Variants in TDRD7 observed in about 807,000 individuals in gnomAD.
TDRD7 encodes tudor domain-containing protein 7.
In TDRD7, 47 loss-of-function variants were observed where a neutral mutation model predicts 109.8. The observed-to-expected ratio is 0.43, with a 90% confidence interval of 0.34 to 0.55. The LOEUF (loss-of-function observed/expected upper bound fraction) is 0.55, where lower values mean the gene tolerates loss of function less well. TDRD7 is among the 20% of genes least tolerant of loss of function. The pLI is 0.03. For synonymous variants in TDRD7, 424 were observed against 457.3 expected, an observed-to-expected ratio of 0.93 and a Z score of 0.93; for missense variants, 1,164 against 1,319.2, an observed-to-expected ratio of 0.88 and a Z score of 1.82.
chr9:97,442,318 A>G (rs1422675186), intron 6 of TDRD7, among the ~76,000 whole-genome samples: 1 of 152,138 alleles, frequency 6.6e-6, no homozygotes, highest in African/African-American at 2.4e-5. Flanking sequence ...GACTAATTAT[A>G]TAGAGTTCTT....
chr9:97,489,843 G>T (rs1829271446), intron 16 of TDRD7, among the ~76,000 whole-genome samples: 1 of 151,652 alleles, frequency 6.6e-6, no homozygotes, highest in Non-Finnish European at 1.5e-5. Flanking sequence ...TTCTTAGTGG[G>T]TGCTCTAGAG....
chr9:97,440,830 G>T (rs150114648), intron 5 of TDRD7, among the ~76,000 whole-genome samples: 1 of 152,080 alleles, frequency 6.6e-6, no homozygotes, highest in Admixed American at 6.6e-5. Context: ...GTGAAATTTC[G>T]TAGAGATTTG....
chr9:97,464,592 G>GA (rs1828791426), intron 7 of TDRD7, among the ~76,000 whole-genome samples: 1 of 152,080 alleles, frequency 6.6e-6, no homozygotes, highest in East Asian at 1.9e-4. Flanking sequence ...TCCTGACCTT[G>GA]TGATCTGCCT....
At position 97,452,414 on chromosome 9, in the gene TDRD7, A is replaced by G. The variant is rs147101201; in HGVS notation, c.856-7764A>G. On this transcript the variant is annotated intron_variant, in intron 6 of 16. Coordinates refer to ENST00000355295, the MANE Select transcript of TDRD7 (RefSeq NM_014290.3). ...TCTTAGTAAATGCTTATTTGAATGT[A>G]TAGAAGCCAAATCATTGGAGAACAA... 1.8e-4 allele frequency among the ~76,000 whole-genome samples: 28 copies of G among 152,352 alleles called. 1 individual carries two copies. Among genetic ancestry groups the G allele is most frequent in the African/African-American group, 6.5e-4 (27 of 41,572 alleles).
Position 97,464,980 on chromosome 9 carries a change from C to G in TDRD7, c.1581C>G (p.Asp527Glu). The G allele has an allele frequency of 6.2e-7, 1 of 1,614,040 alleles. No individual in the cohort carries two copies. Among genetic ancestry groups the G allele is most frequent in the Non-Finnish European group, 8.5e-7 (1 of 1,179,998 alleles). Residue 527 changes from aspartate (D) to glutamate (E), a missense_variant, in exon 8 of 17, where the codon GAC becomes GAG. Asp to Glu is a conservative substitution (Grantham distance 45, BLOSUM62 2). Coordinates refer to ENST00000355295, the MANE Select transcript of TDRD7 (RefSeq NM_014290.3). ...TGCTGGCCGTAAATGCCGAGGAGGA[C>G]GCCTGGTTACGGGCACAGGTCATCT... ...GQLLAVNAEEDAWLRAQVIST... is the reference protein window; with the variant it reads ...GQLLAVNAEEEAWLRAQVIST...
chr9:97,448,470 A>G (rs993015929), intron 6 of TDRD7, among the ~76,000 whole-genome samples: 1 of 152,214 alleles, frequency 6.6e-6, no homozygotes, highest in African/African-American at 2.4e-5. Flanking sequence ...GCCACCTCTT[A>G]AGGAAGTCAT....
At chr9:97,467,293 C>A (rs10982253) in intron 8 of TDRD7, among the ~76,000 whole-genome samples, 81,018 of 151,998 alleles carry the variant, frequency 0.53, 21,797 homozygotes, top group African/African-American at 0.6. Flanking sequence ...AATAATGCAG[C>A]TATTCCACAA....
intron 4 of TDRD7, among the ~76,000 whole-genome samples, chr9:97,437,351 T>C (rs1350055767): frequency 6.6e-6 from 1 of 152,218 alleles, no homozygotes; most frequent in African/African-American, 2.4e-5. Context: ...TCTGAGTTGT[T>C]CATTAGTCCC....
chr9:97,441,665 A>G lies in TDRD7; in HGVS notation c.645A>G (p.Leu215=). The change falls in exon 6 of 17, where the codon TTA becomes TTG. Residue 215 remains leucine, a synonymous_variant. Transcript: ENST00000355295. Reference sequence around the variant, plus strand: ...TATTTTTTTAATTTAAAGATAATTTAAATCAGACTGTTGAAAAACCCAATG... The same window carrying G: ...TATTTTTTTAATTTAAAGATAATTTGAATCAGACTGTTGAAAAACCCAATG... ...RTSTKEMSDN[L]NQTVEKPNVK... 6.2e-7 allele frequency: 1 copy of G among 1,607,058 alleles called. No individual in the cohort carries two copies.
chr9:97,479,591 A>G (rs1356119607), intron 13 of TDRD7, among the ~76,000 whole-genome samples: 1 of 152,052 alleles, frequency 6.6e-6, no homozygotes, highest in East Asian at 1.9e-4. Flanking sequence ...TTATTATTTG[A>G]CAAATGGGAA....
At chr9:97,451,154 A>T (rs1190563237) in intron 6 of TDRD7, among the ~76,000 whole-genome samples, 3 of 152,030 alleles carry the variant, frequency 2.0e-5, no homozygotes, top group African/African-American at 7.2e-5. Flanking sequence ...ATAGCCAAAC[A>T]TATGGAGCTT....
chr9:97,417,504 A>G (rs192894981), intron 1 of TDRD7, among the ~76,000 whole-genome samples: 12 of 152,252 alleles, frequency 7.9e-5, no homozygotes, highest in African/African-American at 1.9e-4. Flanking sequence ...ACTGCCATGG[A>G]AGTGGTGAAG....
Position 97,428,532 on chromosome 9 carries a change from G to A in TDRD7, c.67G>A (p.Ala23Thr). 1.2e-6 allele frequency: 2 copies of A among 1,614,072 alleles called. No individual in the cohort carries two copies. The highest frequency in any genetic ancestry group is 2.2e-5 in the South Asian group (2 of 91,092). Residue 23 changes from alanine (A) to threonine (T), a missense_variant, in exon 2 of 17, where the codon GCA (alanine) becomes ACA (threonine). Physicochemically the swap from Ala to Thr is moderately conservative, Grantham distance 58 (BLOSUM62 0). Around this residue, in one of 5 missense-constraint regions of TDRD7, gnomAD observed 101 missense variants for 148.5 expected, o/e 0.68. Coordinates refer to ENST00000355295, the MANE Select transcript of TDRD7 (RefSeq NM_014290.3). Reference sequence around the variant, plus strand: ...TCTGCAGTCTCATAAGAATGGAGTAGCATTACCCCGGCTCCAAGGAGAGTA... The same window carrying A: ...TCTGCAGTCTCATAAGAATGGAGTAACATTACCCCGGCTCCAAGGAGAGTA... ...AVLQSHKNGVALPRLQGEYRS... is the reference protein window; with the variant it reads ...AVLQSHKNGVTLPRLQGEYRS...
intron 6 of TDRD7, among the ~76,000 whole-genome samples, chr9:97,450,186 G>C (rs1828466830): frequency 6.6e-6 from 1 of 152,132 alleles, no homozygotes; most frequent in Admixed American, 6.5e-5. Flanking sequence ...GTGTACACAT[G>C]GTACGTGAAG....
intron 15 of TDRD7, among the ~76,000 whole-genome samples, chr9:97,484,798 A>G (rs1829184164): frequency 6.6e-6 from 1 of 152,212 alleles, no homozygotes; most frequent in Non-Finnish European, 1.5e-5. Context: ...AGATAATTCA[A>G]TCACAGTTAA....
intron 12 of TDRD7, among the ~76,000 whole-genome samples, chr9:97,477,697 A>G (rs1042045639): frequency 2.0e-5 from 3 of 152,050 alleles, no homozygotes; most frequent in African/African-American, 7.3e-5. Flanking sequence ...TTAATCATGT[A>G]TTTATTCTTG....
At chr9:97,493,767 C>T (rs1449998590) in intron 16 of TDRD7, among the ~76,000 whole-genome samples, 4 of 152,090 alleles carry the variant, frequency 2.6e-5, no homozygotes, top group East Asian at 1.9e-4. Flanking sequence ...CCCTCAGGGA[C>T]GCATTCTCTT....
chr9:97,461,537 T>G (rs1828724763), intron 7 of TDRD7, among the ~76,000 whole-genome samples: 1 of 152,246 alleles, frequency 6.6e-6, no homozygotes, highest in Admixed American at 6.5e-5. Flanking sequence ...GAGGTGTCAT[T>G]GCCTAAGGCA....
chr9:97,424,716 T>A (rs1827957685), intron 1 of TDRD7, among the ~76,000 whole-genome samples: 1 of 152,216 alleles, frequency 6.6e-6, no homozygotes, highest in African/African-American at 2.4e-5. Context: ...TAAGTAAGTC[T>A]TGCTTTTTTA....
Sources: gnomAD v4.1 joint callset for allele counts (sites outside exome capture counted in the v4.1 genomes callset) on GRCh38, gnomAD v4.1.1 for gene constraint, gnomAD v4.1.1 regional missense constraint, MANE v1.5 for transcripts, NCBI Gene and HGNC (gene_info 2026-07-23, HGNC 2026-07-21) for gene names.